PREX2: variants seen among roughly 807,000 people sequenced by gnomAD.
The protein encoded by PREX2 is phosphatidylinositol-3,4,5-trisphosphate dependent Rac exchange factor 2.
A neutral mutation model predicts 203.2 loss-of-function variants in PREX2; 107 were observed. That is an observed-to-expected ratio of 0.53 (90% CI 0.45 to 0.62). The LOEUF is 0.62. Ranked by LOEUF, PREX2 falls within the 20% of genes least tolerant of loss-of-function variation. The probability of loss-of-function intolerance (pLI) is 0.00; values close to 1 mark genes in which losing one functional copy is unlikely to be tolerated. For missense variants in PREX2, 1,777 were observed against 1,955.9 expected (o/e 0.91, Z 1.72); for synonymous variants, 672 against 663.6 (o/e 1.01, Z -0.19).
intron 11 of PREX2, among the ~76,000 whole-genome samples, chr8:68,065,738 G>A (rs1808999342): frequency 6.6e-6 from 1 of 152,082 alleles, no homozygotes; most frequent in Non-Finnish European, 1.5e-5. Flanking sequence ...TTCTACAAAT[G>A]TTGCATTCCC....
rs868649786 is a variant in PREX2, at chr8:67,986,609, G to T, written c.142-31237G>T. ...TTGGGTTTAAGTCATAGATTTACAT[G>T]TGTATCACTTCTATCATATAGTGAA... On this transcript the variant is annotated intron_variant, in intron 1 of 39. Transcript: ENST00000288368. 5.0e-4 allele frequency among the ~76,000 whole-genome samples: 76 copies of T among 152,304 alleles called. 1 individual carries two copies. In the Middle Eastern group the frequency reaches 0.01, roughly 20 times the overall value.
chr8:68,148,340 G>T (rs1389462238), intron 34 of PREX2, among the ~76,000 whole-genome samples: 1 of 152,174 alleles, frequency 6.6e-6, no homozygotes, highest in Non-Finnish European at 1.5e-5. Flanking sequence ...CTTTTACAGG[G>T]TTTAGCCAGG....
intron 1 of PREX2, among the ~76,000 whole-genome samples, chr8:68,013,073 C>T (rs764159828): frequency 4.6e-5 from 7 of 152,118 alleles, no homozygotes; most frequent in Non-Finnish European, 8.8e-5. Context: ...GAACAAAAGT[C>T]GTTAGTCTTT....
chr8:67,984,445 G>A (rs1426722150), intron 1 of PREX2, among the ~76,000 whole-genome samples: 1 of 152,132 alleles, frequency 6.6e-6, no homozygotes, highest in African/African-American at 2.4e-5. Context: ...GTATGTTATC[G>A]CAGTGTCATG....
chr8:68,102,029 C>T (rs965324065), intron 23 of PREX2, among the ~76,000 whole-genome samples: 1 of 152,186 alleles, frequency 6.6e-6, no homozygotes, highest in African/African-American at 2.4e-5. Context: ...GTTCCATTTA[C>T]TCATAGGTAA....
At chr8:68,059,700 G>A (rs1345483967) in intron 10 of PREX2, among the ~76,000 whole-genome samples, 1 of 152,180 alleles carries the variant, frequency 6.6e-6, no homozygotes, top group African/African-American at 2.4e-5. Flanking sequence ...AAATCAAGGT[G>A]CTGGCCAGAC....
chr8:68,149,820 C>G (rs905413198), intron 34 of PREX2, among the ~76,000 whole-genome samples: 1 of 152,140 alleles, frequency 6.6e-6, no homozygotes, highest in Non-Finnish European at 1.5e-5. Flanking sequence ...TTCTGGAGTC[C>G]ACCAAAAGTG....
chr8:68,094,632 T>G (rs2129612400), intron 21 of PREX2, among the ~76,000 whole-genome samples: 1 of 152,356 alleles, frequency 6.6e-6, no homozygotes, highest in South Asian at 2.1e-4. Flanking sequence ...GTTACACTAT[T>G]AGGTTCCTCC....
At chr8:68,146,402 TA>T in intron 34 of PREX2, 50 bp downstream of exon 34, 1 of 1,401,844 alleles carries the variant, frequency 7.1e-7, no homozygotes, top group East Asian at 2.3e-5. Context: ...ATTTTATCTT[TA>T]TTAATGCTTT....
intron 24 of PREX2, chr8:68,108,876 G>A: frequency 4.4e-6 from 1 of 228,856 alleles, no homozygotes; most frequent in South Asian, 5.5e-5. Context: ...ATAAAAAGAA[G>A]TAAATCCTGT....
Position 68,008,431 on chromosome 8 carries a change from G to T in PREX2, c.142-9415G>T, listed in dbSNP as rs548852536. Among the ~76,000 whole-genome samples, 7 of 113,520 alleles carry T rather than the reference G, an allele frequency of 6.2e-5. No homozygotes were observed. In the East Asian group the frequency reaches 1.4e-3, roughly 23 times the overall value. 74.5% of individuals were successfully genotyped at this position (113,520 alleles called of 152,430 possible). On this transcript the variant is annotated intron_variant, in intron 1 of 39. Transcript: ENST00000288368. Reference sequence around the variant, plus strand: ...ATGAAGAGGGTAAAGACAATATTTGGTCATGAGAGAAGGAGAGAATATGGT... The same window carrying T: ...ATGAAGAGGGTAAAGACAATATTTGTTCATGAGAGAAGGAGAGAATATGGT...
At chr8:68,048,042 T>C (rs888661898) in intron 8 of PREX2, among the ~76,000 whole-genome samples, 9 of 151,980 alleles carry the variant, frequency 5.9e-5, no homozygotes, top group African/African-American at 2.2e-4. Flanking sequence ...TGTATATATA[T>C]TTATTTAAGT....
At chr8:68,180,918 G>A (rs1011529250) in intron 35 of PREX2, among the ~76,000 whole-genome samples, 2 of 152,100 alleles carry the variant, frequency 1.3e-5, no homozygotes, top group Non-Finnish European at 2.9e-5. Context: ...TGTCTAGAAG[G>A]GGCAGGGAGT....
At position 68,233,912 on chromosome 8, in the gene PREX2, T is replaced by C. The variant is rs539064675; in HGVS notation, c.*2534T>C. The C allele has an allele frequency of 2.1e-4, 32 of 152,156 alleles. No homozygotes were observed. Among genetic ancestry groups the C allele is most frequent in the Non-Finnish European group, 3.2e-4 (22 of 68,042 alleles). The allele number at this position is 152,156 out of a possible 1,614,324, so 9.4% of individuals were successfully genotyped here. A position where few individuals can be genotyped will look rare whatever the true frequency, so the allele number is the denominator to read the frequency against. ...TAAGTAAATTTGGAGTTATGCGGCA[T>C]GTGTTGTCATTAAATTATACATCTT... is the stretch of plus-strand genomic sequence containing the variant. On this transcript the variant is annotated 3_prime_UTR_variant, in exon 40 of 40. Coordinates refer to ENST00000288368, the MANE Select transcript of PREX2 (RefSeq NM_024870.4).
chr8:67,972,454 G>A (rs1191382462), intron 1 of PREX2, among the ~76,000 whole-genome samples: 1 of 152,174 alleles, frequency 6.6e-6, no homozygotes, highest in African/African-American at 2.4e-5. Flanking sequence ...TGTATTTACT[G>A]CTGAATTTAC....
intron 23 of PREX2, among the ~76,000 whole-genome samples, chr8:68,100,937 A>G (rs1445876559): frequency 6.6e-6 from 1 of 152,158 alleles, no homozygotes; most frequent in African/African-American, 2.4e-5. Context: ...TTGAAGATGA[A>G]GGAGACAAAA....
chr8:68,160,480 C>T (rs927522924), intron 35 of PREX2, among the ~76,000 whole-genome samples: 4 of 152,054 alleles, frequency 2.6e-5, no homozygotes, highest in African/African-American at 9.7e-5. Context: ...ACACATATTA[C>T]TAACACATTT....
rs12548438 is a variant in PREX2, at chr8:68,144,792, C to T, written c.4088-1417C>T. ...TTTAGTGCTCTTAGTTTGAACTTCACTTTAAATTAATATACTTTATAATTT... is the reference window on the plus strand; with the variant it reads ...TTTAGTGCTCTTAGTTTGAACTTCATTTTAAATTAATATACTTTATAATTT... On this transcript the variant is annotated intron_variant, in intron 33 of 39. Transcript: ENST00000288368. Among the ~76,000 whole-genome samples the T allele has an allele frequency of 6.1e-3, 929 of 152,210 alleles. 6 individuals are homozygous for T. Among genetic ancestry groups the T allele is most frequent in the South Asian group, 0.015 (71 of 4,816 alleles).
intron 1 of PREX2, among the ~76,000 whole-genome samples, chr8:68,002,847 T>C (rs1250742295): frequency 2.0e-5 from 3 of 152,160 alleles, no homozygotes; most frequent in Non-Finnish European, 2.9e-5. Flanking sequence ...AGTATAGATA[T>C]TGTAGTTTGC....
Sources: allele counts gnomAD v4.1 joint callset (sites outside exome capture counted in the v4.1 genomes callset), GRCh38; gene constraint gnomAD v4.1.1; transcripts MANE v1.5; gene names NCBI Gene and HGNC (gene_info 2026-07-23, HGNC 2026-07-21).